CREB5: variants seen among roughly 807,000 people sequenced by gnomAD.
CREB5 encodes the protein cAMP responsive element binding protein 5, also known as cyclic AMP-responsive element-binding protein 5.
A neutral mutation model predicts 57.1 loss-of-function variants in CREB5; 19 were observed. The observed-to-expected ratio is 0.33, with a 90% CI of 0.23 to 0.49. The LOEUF (loss-of-function observed/expected upper bound fraction) is 0.49, where lower values mean the gene tolerates loss of function less well. CREB5 is among the 20% of genes least tolerant of loss of function. The probability of loss-of-function intolerance (pLI) is 0.99; values close to 1 mark genes in which losing one functional copy is unlikely to be tolerated. For missense variants in CREB5, 579 were observed against 671.6 expected, an observed-to-expected ratio of 0.86 and a Z score of 1.52; for synonymous variants, 238 against 238.3, an observed-to-expected ratio of 1.00 and a Z score of 0.01.
intron 2 of CREB5, 138 bp downstream of exon 2, chr7:28,488,384 A>C: frequency 1.5e-6 from 1 of 649,292 alleles, no homozygotes; most frequent in Non-Finnish European, 2.7e-6. Flanking sequence ...CCCCATCAGT[A>C]TCGTGATCAT....
chr7:28,402,150 C>T (rs1001921803), intron 1 of CREB5, among the ~76,000 whole-genome samples: 2 of 152,202 alleles, frequency 1.3e-5, no homozygotes, highest in African/African-American at 4.8e-5. Context: ...ATTTGCATTT[C>T]TCTGATGGCC....
At chr7:28,318,380 A>C (rs940666835) in intron 1 of CREB5, among the ~76,000 whole-genome samples, 2 of 152,278 alleles carry the variant, frequency 1.3e-5, no homozygotes, top group African/African-American at 4.8e-5. Flanking sequence ...CATGCAAGAC[A>C]AAAGTGTGCT....
At chr7:28,475,397 C>T (rs1791027873) in intron 1 of CREB5, among the ~76,000 whole-genome samples, 2 of 149,498 alleles carry the variant, frequency 1.3e-5, no homozygotes, top group Non-Finnish European at 1.5e-5. Flanking sequence ...ATAGTGAGAC[C>T]CCATCTCTAT....
chr7:28,299,455 A>G (rs1785063262), intron 1 of CREB5: 1 of 152,230 alleles, frequency 6.6e-6, no homozygotes, highest in Non-Finnish European at 1.5e-5. Flanking sequence ...GGCAACAGCC[A>G]TGTGTAGCTA....
chr7:28,330,401 C>CCTTTTTTTT (rs775917974), intron 1 of CREB5, among the ~76,000 whole-genome samples: 2 of 88,538 alleles, frequency 2.3e-5, no homozygotes, highest in African/African-American at 4.9e-5. Flanking sequence ...GAGAACCTTA[C>CCTTTTTTTT]TTTTTTTTTT....
intron 1 of CREB5, among the ~76,000 whole-genome samples, chr7:28,320,212 G>A (rs1785470181): frequency 6.6e-6 from 1 of 152,166 alleles, no homozygotes; most frequent in African/African-American, 2.4e-5. Flanking sequence ...TTACAGGCAT[G>A]AGCCACCACG....
intron 4 of CREB5, among the ~76,000 whole-genome samples, chr7:28,564,524 C>T (rs948615267): frequency 2.0e-5 from 3 of 152,162 alleles, no homozygotes; most frequent in African/African-American, 7.2e-5. Flanking sequence ...ACCTCAAGCT[C>T]AGGAGTATGC....
At chr7:28,667,151 T>C (rs10260366) in intron 5 of CREB5, among the ~76,000 whole-genome samples, 39,258 of 151,500 alleles carry the variant, frequency 0.26, 5,178 homozygotes, top group Middle Eastern at 0.37. Context: ...CCGAAAGATA[T>C]ACACCTTCAA....
chr7:28,625,306 C>A (rs1339617967), intron 5 of CREB5, among the ~76,000 whole-genome samples: 1 of 152,136 alleles, frequency 6.6e-6, no homozygotes, highest in African/African-American at 2.4e-5. Context: ...TTCATTCTAC[C>A]CTTTAAGATG....
upstream of CREB5, among the ~76,000 whole-genome samples, chr7:28,411,128 C>A (rs2286841): frequency 0.049 from 7,447 of 152,198 alleles, 388 homozygotes; most frequent in East Asian, 0.23. Flanking sequence ...TCCTCTAGGG[C>A]GAAAATGCTT....
Position 28,392,806 on chromosome 7 carries a change from A to G in CREB5, c.-25+93365A>G, listed in dbSNP as rs1787248340. On this transcript the variant is annotated intron_variant, in intron 1 of 9. Transcript: ENST00000396299. Reference sequence around the variant, plus strand: ...CACCTTAGTCCCGTAACTAGACCTCATCTGTCTCATGACATGATTTCAGCT... The same window carrying G: ...CACCTTAGTCCCGTAACTAGACCTCGTCTGTCTCATGACATGATTTCAGCT... Among the ~76,000 whole-genome samples the G allele has an allele frequency of 7.2e-5, 11 of 152,336 alleles. 1 individual carries two copies. The South Asian group carries it at 2.1e-3, about 29-fold the overall frequency.
At chr7:28,604,133 G>A (rs1797027866) in intron 5 of CREB5, among the ~76,000 whole-genome samples, 1 of 152,118 alleles carries the variant, frequency 6.6e-6, no homozygotes, top group African/African-American at 2.4e-5. Context: ...AAATTAGAAG[G>A]ATCATGACTT....
At chr7:28,413,358 C>A (rs1181972973) in intron 1 of CREB5, among the ~76,000 whole-genome samples, 2 of 151,822 alleles carry the variant, frequency 1.3e-5, no homozygotes, top group African/African-American at 4.8e-5. Context: ...GATGTGTATG[C>A]CCCTGAAGGA....
chr7:28,509,736 AT>A (rs768973250), intron 4 of CREB5, among the ~76,000 whole-genome samples: 70 of 152,242 alleles, frequency 4.6e-4, no homozygotes, highest in Admixed American at 2.4e-3. Context: ...AAAAGGAACT[AT>A]TGCAGCTGTA....
At chr7:28,650,747 AC>A (rs1396748971) in intron 5 of CREB5, among the ~76,000 whole-genome samples, 3 of 152,226 alleles carry the variant, frequency 2.0e-5, no homozygotes, top group Non-Finnish European at 4.4e-5. Context: ...TATTTTCCAA[AC>A]TAAGTATGTA....
At chr7:28,609,447 C>T (rs1797302493) in intron 5 of CREB5, among the ~76,000 whole-genome samples, 1 of 152,074 alleles carries the variant, frequency 6.6e-6, no homozygotes. Flanking sequence ...GAATGTCATC[C>T]CTGGAATGGA....
At chr7:28,517,815 T>C (rs1793038400) in intron 4 of CREB5, among the ~76,000 whole-genome samples, 2 of 152,170 alleles carry the variant, frequency 1.3e-5, no homozygotes, top group African/African-American at 4.8e-5. Context: ...CTTGTGACTC[T>C]GTTCTGTGTG....
At chr7:28,506,844 C>A (rs911372524) in intron 3 of CREB5, among the ~76,000 whole-genome samples, 2 of 152,158 alleles carry the variant, frequency 1.3e-5, no homozygotes, top group African/African-American at 4.8e-5. Flanking sequence ...TTATAAACTG[C>A]AAATGCTGCA....
intron 4 of CREB5, among the ~76,000 whole-genome samples, chr7:28,569,770 C>T (rs71539572): frequency 3.3e-5 from 5 of 152,244 alleles, no homozygotes; most frequent in South Asian, 2.1e-4. Flanking sequence ...CAGCAGAAAG[C>T]GGCAACTCTT....
Sources: allele counts gnomAD v4.1 joint callset (sites outside exome capture counted in the v4.1 genomes callset), GRCh38; gene constraint gnomAD v4.1.1; transcripts MANE v1.5; gene names NCBI Gene and HGNC (gene_info 2026-07-23, HGNC 2026-07-21).